Variants in CNTN4 observed in about 807,000 individuals in gnomAD.
CNTN4 encodes contactin-4.
Under a neutral mutation model 122.5 loss-of-function variants are expected in CNTN4, and 77 were observed. The ratio of observed to expected loss-of-function variants is 0.63; its 90% CI spans 0.52 to 0.76. CNTN4 has a LOEUF of 0.76. Ranked by LOEUF, CNTN4 falls within the 30% of genes least tolerant of loss-of-function variation. The pLI, the probability that CNTN4 is intolerant of heterozygous loss-of-function variation, is 0.00. For missense variants in CNTN4, 1,256 were observed against 1,259.1 expected, an observed-to-expected ratio of 1.00 and a Z score of 0.04; for synonymous variants, 512 against 447.0, an observed-to-expected ratio of 1.15 and a Z score of -1.83.
chr3:2,549,759 G>GT (rs778319284), intron 3 of CNTN4, among the ~76,000 whole-genome samples: 1 of 152,116 alleles, frequency 6.6e-6, no homozygotes, highest in Non-Finnish European at 1.5e-5. Context: ...GTTTGGAATA[G>GT]TTTCAGAAAG....
intron 6 of CNTN4, among the ~76,000 whole-genome samples, chr3:2,786,397 G>A (rs2091832721): frequency 2.0e-5 from 3 of 152,200 alleles, no homozygotes; most frequent in Admixed American, 2.0e-4. Context: ...ACAGAGTGTT[G>A]CTCCTGCCAG....
chr3:2,102,385 G>C (rs77034613), intron 2 of CNTN4, among the ~76,000 whole-genome samples: 1 of 152,160 alleles, frequency 6.6e-6, no homozygotes, highest in African/African-American at 2.4e-5. Context: ...TCTATTTCAC[G>C]GCATCACGAT....
chr3:2,406,989 A>G (rs2047060988), intron 3 of CNTN4, among the ~76,000 whole-genome samples: 1 of 152,198 alleles, frequency 6.6e-6, no homozygotes, highest in Admixed American at 6.5e-5. Flanking sequence ...ATTTGAATCC[A>G]AAGTCTTAAA....
Position 3,053,850 on chromosome 3 carries a change from A to C in CNTN4, c.2855A>C (p.Glu952Ala). The part of the protein sequence containing the change: ...WNRQSSTSVI[E>A]TNKTSVELSL... The stretch of plus-strand genomic sequence containing the variant: ...AGACAAAGCAGCACATCTGTCATTG[A>C]AACAAATAAAACATCGGTGGAGCTT... Residue 952 changes from glutamate (E) to alanine (A), a missense_variant, in exon 24 of 25, where the codon GAA (glutamate) becomes GCA (alanine). Transcript: ENST00000418658. 6.2e-7 allele frequency: 1 copy of C among 1,614,234 alleles called. No individual in the cohort carries two copies. Among genetic ancestry groups the C allele is most frequent in the Non-Finnish European group, 8.5e-7 (1 of 1,180,034 alleles).
intron 3 of CNTN4, among the ~76,000 whole-genome samples, chr3:2,451,261 G>A (rs987258600): frequency 4.6e-5 from 7 of 151,874 alleles, no homozygotes; most frequent in African/African-American, 7.2e-5. Flanking sequence ...GCTTACATGG[G>A]CCTTATGGCG....
rs559040529 is a variant in CNTN4 at position 2,455,604 on chromosome 3, G to T, written c.-88-115812G>T. ...GAAGGAGGACATTTTTACTGTTAAGGTTTTACTGTTTTGTCAGTGATGGAG... is the reference window on the plus strand; with the variant it reads ...GAAGGAGGACATTTTTACTGTTAAGTTTTTACTGTTTTGTCAGTGATGGAG... On this transcript the variant is annotated intron_variant, in intron 3 of 24. Transcript: ENST00000418658. Among the ~76,000 whole-genome samples the T allele has an allele frequency of 5.7e-4, 87 of 152,124 alleles. 1 individual carries two copies. Among genetic ancestry groups the T allele is most frequent in the Non-Finnish European group, 6.0e-4 (41 of 67,988 alleles).
intron 20 of CNTN4, 147 bp from the exon 21 acceptor site, chr3:3,042,163 A>C: frequency 2.9e-6 from 2 of 687,142 alleles, no homozygotes; most frequent in East Asian, 2.7e-5. Flanking sequence ...GCTATTAATC[A>C]CTGCCCCTCT....
At chr3:2,428,272 G>A (rs2047922557) in intron 3 of CNTN4, among the ~76,000 whole-genome samples, 1 of 152,170 alleles carries the variant, frequency 6.6e-6, no homozygotes, top group African/African-American at 2.4e-5. Context: ...GCCTGGTGGT[G>A]AGAAAATCTC....
intron 3 of CNTN4, among the ~76,000 whole-genome samples, chr3:2,340,685 T>TA (rs2044149091): frequency 6.7e-5 from 2 of 29,632 alleles, no homozygotes; most frequent in African/African-American, 1.5e-4. Flanking sequence ...GTCATAAATT[T>TA]TATATATATA....
intron 4 of CNTN4, among the ~76,000 whole-genome samples, chr3:2,695,720 G>A (rs2085992852): frequency 6.6e-6 from 1 of 152,206 alleles, no homozygotes; most frequent in African/African-American, 2.4e-5. Flanking sequence ...TCAATATGAT[G>A]CTGCAAGTCA....
intron 2 of CNTN4, among the ~76,000 whole-genome samples, chr3:2,151,727 G>C (rs1157736838): frequency 6.6e-6 from 1 of 152,096 alleles, no homozygotes; most frequent in Admixed American, 6.5e-5. Context: ...TGTCATGAAA[G>C]TGGGACTGGT....
intron 3 of CNTN4, among the ~76,000 whole-genome samples, chr3:2,502,239 G>C (rs905872463): frequency 2.6e-5 from 4 of 152,088 alleles, no homozygotes; most frequent in Admixed American, 6.6e-5. Context: ...CCAAATTTTA[G>C]AGATACTCCA....
chr3:2,402,812 A>G (rs77125106), intron 3 of CNTN4, among the ~76,000 whole-genome samples: 5,660 of 152,228 alleles, frequency 0.037, 318 homozygotes, highest in African/African-American at 0.12. Context: ...AGGGAATTTA[A>G]TATACCTAAA....
At chr3:2,589,634 T>C (rs537829531) in intron 4 of CNTN4, among the ~76,000 whole-genome samples, 1 of 152,302 alleles carries the variant, frequency 6.6e-6, no homozygotes, top group South Asian at 2.1e-4. Context: ...GGTCAGGAAT[T>C]TGGGAGCAGC....
intron 4 of CNTN4, among the ~76,000 whole-genome samples, chr3:2,621,485 C>T (rs993935171): frequency 2.7e-5 from 4 of 150,794 alleles, no homozygotes; most frequent in Admixed American, 1.3e-4. Flanking sequence ...TGTCACACAC[C>T]GGGGCCTGTC....
chr3:2,988,509 T>C (rs756104150), intron 14 of CNTN4, 37 bp downstream of exon 14: 93 of 1,607,496 alleles, frequency 5.8e-5, no homozygotes, highest in Non-Finnish European at 7.9e-5. Flanking sequence ...TATTTATATA[T>C]GTGTCCTCGT....
intron 4 of CNTN4, among the ~76,000 whole-genome samples, chr3:2,717,696 C>T (rs2087582832): frequency 6.6e-6 from 1 of 152,150 alleles, no homozygotes; most frequent in South Asian, 2.1e-4. Flanking sequence ...TCTGGATCAA[C>T]TTTTTGAGCA....
intron 6 of CNTN4, among the ~76,000 whole-genome samples, chr3:2,763,851 T>C (rs1353253025): frequency 6.6e-6 from 1 of 152,190 alleles, no homozygotes; most frequent in Non-Finnish European, 1.5e-5. Flanking sequence ...GTGTCTGTTT[T>C]TGTACCAATA....
At chr3:2,211,513 GT>G (rs1258218374) in intron 2 of CNTN4, among the ~76,000 whole-genome samples, 3 of 152,052 alleles carry the variant, frequency 2.0e-5, no homozygotes, top group African/African-American at 7.2e-5. Context: ...AGAAAACTAT[GT>G]GTACGTTTTC....
Sources: allele counts gnomAD v4.1 joint callset (sites outside exome capture counted in the v4.1 genomes callset), GRCh38; gene constraint gnomAD v4.1.1; transcripts MANE v1.5; gene names NCBI Gene and HGNC (gene_info 2026-07-23, HGNC 2026-07-21).